Variants in CRPPA observed in about 807,000 individuals in gnomAD.
CRPPA encodes the protein D-ribitol-5-phosphate cytidylyltransferase.
CRPPA carries 43 observed loss-of-function variants against 52.0 expected under a neutral mutation model. That is an observed-to-expected ratio of 0.83 (90% confidence interval 0.65 to 1.07). The LOEUF (loss-of-function observed/expected upper bound fraction) is 1.07. Among genes scored for constraint, CRPPA ranks in the 50% least tolerant of loss-of-function variants. The pLI is 0.00. For synonymous variants in CRPPA, 250 were observed against 203.5 expected (o/e 1.23, Z -1.94); for missense variants, 629 against 551.7 (o/e 1.14, Z -1.40).
intron 3 of CRPPA, among the ~76,000 whole-genome samples, chr7:16,325,571 A>G (rs542449006): frequency 2.0e-5 from 3 of 152,330 alleles, no homozygotes; most frequent in East Asian, 1.9e-4. Context: ...TGATGACTAT[A>G]TAACTTTGAC....
In CRPPA at chr7:16,389,349, A is replaced by C. The variant is rs187933404; in HGVS notation, c.535-13108T>G. On this transcript the variant is annotated intron_variant, in intron 2 of 9. Transcript: ENST00000407010. ...AAACAATGCAAAAACAGATGCAAAA[A>C]TTCTCAACAAGATACCTACAAACCC... 2.9e-3 allele frequency among the ~76,000 whole-genome samples: 441 copies of C among 152,314 alleles called. 4 individuals carry two copies. The highest frequency in any genetic ancestry group is 0.01 in the African/African-American group (417 of 41,560).
rs558598408 is a variant in CRPPA, at chr7:16,301,133, A to C, written c.835+288T>G. ...AGGTGAGACCTTTACAAAATTATTA[A>C]AATCAGGTTTTGCTATTTTCCTTCT... On this transcript the variant is annotated intron_variant, in intron 5 of 9. Coordinates refer to ENST00000407010, the MANE Select transcript of CRPPA (RefSeq NM_001101426.4). 2.1e-4 allele frequency among the ~76,000 whole-genome samples: 32 copies of C among 152,352 alleles called. No homozygotes were observed. In the South Asian group the frequency reaches 4.1e-3, roughly 20 times the overall value.
At chr7:16,370,323 G>C (rs1786716032) in intron 3 of CRPPA, among the ~76,000 whole-genome samples, 1 of 152,218 alleles carries the variant, frequency 6.6e-6, no homozygotes, top group Admixed American at 6.5e-5. Flanking sequence ...GAAAGCCATA[G>C]TTGCTATTTC....
rs144018307 is a variant in CRPPA at position 16,366,008 on chromosome 7, T to C, written c.684+10084A>G. Reference sequence around the variant, plus strand: ...CTAAAACAAAATATCTCAGACTGCATAGTTTATAAAAAGAATTTATTGCTC... The same window carrying C: ...CTAAAACAAAATATCTCAGACTGCACAGTTTATAAAAAGAATTTATTGCTC... On this transcript the variant is annotated intron_variant, in intron 3 of 9. Coordinates refer to ENST00000407010, the MANE Select transcript of CRPPA (RefSeq NM_001101426.4). Among the ~76,000 whole-genome samples, 369 of 152,300 alleles carry C rather than the reference T, an allele frequency of 2.4e-3. 4 individuals carry two copies. Among genetic ancestry groups the C allele is most frequent in the African/African-American group, 8.7e-3 (362 of 41,560 alleles).
intron 1 of CRPPA, among the ~76,000 whole-genome samples, chr7:16,417,600 A>G (rs1396954114): frequency 6.6e-6 from 1 of 152,196 alleles, no homozygotes; most frequent in African/African-American, 2.4e-5. Context: ...ACTCATGGAC[A>G]TAAAGATGTC....
intron 2 of CRPPA, among the ~76,000 whole-genome samples, chr7:16,377,900 A>G (rs1398166491): frequency 2.0e-5 from 3 of 152,092 alleles, no homozygotes; most frequent in African/African-American, 7.2e-5. Flanking sequence ...GTTCCCACCC[A>G]TGCCCCAGAA....
intron 9 of CRPPA, among the ~76,000 whole-genome samples, chr7:16,170,046 A>C (rs936212313): frequency 2.6e-5 from 4 of 152,194 alleles, no homozygotes; most frequent in African/African-American, 9.6e-5. Flanking sequence ...GTTTTAATAC[A>C]TATTAAAGTG....
At chr7:16,420,639 A>C (rs898829095) in intron 1 of CRPPA, among the ~76,000 whole-genome samples, 3 of 152,184 alleles carry the variant, frequency 2.0e-5, no homozygotes, top group African/African-American at 7.2e-5. Context: ...TGAATGAAAA[A>C]AACGAACACA....
chr7:16,304,822 G>C (rs1340802584), intron 4 of CRPPA, among the ~76,000 whole-genome samples: 1 of 152,164 alleles, frequency 6.6e-6, no homozygotes, highest in Non-Finnish European at 1.5e-5. Context: ...AAGGTGTATT[G>C]TTCCATGTTT....
chr7:16,329,025 T>C (rs1007159771), intron 3 of CRPPA, among the ~76,000 whole-genome samples: 2 of 152,136 alleles, frequency 1.3e-5, no homozygotes, highest in African/African-American at 4.8e-5. Context: ...ATACTATAAG[T>C]CCACAATGGC....
rs1212907449 is a variant in CRPPA, at chr7:16,208,568, G to C, written c.1251+7498C>G. 2.6e-5 allele frequency among the ~76,000 whole-genome samples: 4 copies of C among 152,252 alleles called. No individual in the cohort carries two copies. In the South Asian group the frequency reaches 8.3e-4, roughly 32 times the overall value. ...GACACACAGAAGCTGCCCTGCACCA[G>C]GTGAGAGAGCATGGCAGGCGGGGTG... On this transcript the variant is annotated intron_variant, in intron 9 of 9. Coordinates refer to ENST00000407010, the MANE Select transcript of CRPPA (RefSeq NM_001101426.4).
intron 9 of CRPPA, among the ~76,000 whole-genome samples, chr7:16,190,440 A>G (rs1160917847): frequency 2.0e-5 from 3 of 152,208 alleles, no homozygotes; most frequent in Non-Finnish European, 4.4e-5. Context: ...AAGAGTAACT[A>G]TAACGTAACA....
intron 9 of CRPPA, among the ~76,000 whole-genome samples, chr7:16,097,646 T>G (rs1242297943): frequency 6.6e-6 from 1 of 152,194 alleles, no homozygotes; most frequent in Non-Finnish European, 1.5e-5. Context: ...GTTGTTGACT[T>G]GGTTCTTTTG....
At chr7:16,316,238 T>A (rs1785141491) in intron 3 of CRPPA, among the ~76,000 whole-genome samples, 1 of 152,092 alleles carries the variant, frequency 6.6e-6, no homozygotes, top group Non-Finnish European at 1.5e-5. Flanking sequence ...TAGGAGGGGT[T>A]AAGAATGAAC....
At chr7:16,353,510 C>T (rs141115690) in intron 3 of CRPPA, among the ~76,000 whole-genome samples, 8 of 152,182 alleles carry the variant, frequency 5.3e-5, no homozygotes, top group East Asian at 1.9e-4. Context: ...AGCATGATGA[C>T]GATGGTTAAT....
intron 9 of CRPPA, among the ~76,000 whole-genome samples, chr7:16,136,146 G>A (rs533286528): frequency 6.6e-6 from 1 of 152,118 alleles, no homozygotes; most frequent in Admixed American, 6.5e-5. Flanking sequence ...TGGAAGAGTA[G>A]ATGAAATGCA....
At chr7:16,387,909 G>A (rs1467676347) in intron 2 of CRPPA, among the ~76,000 whole-genome samples, 1 of 152,114 alleles carries the variant, frequency 6.6e-6, no homozygotes. Context: ...GTTATAAGAG[G>A]ATCAAAATCA....
Position 16,141,512 on chromosome 7 carries a change from T to C in CRPPA, c.1252-49713A>G, listed in dbSNP as rs143842571. On this transcript the variant is annotated intron_variant, in intron 9 of 9. Transcript: ENST00000407010. Reference sequence around the variant, plus strand: ...TCTGAAATATTAAACACAAGATAATTTATGTGAGCTAATATGACTATTAAA... The same window carrying C: ...TCTGAAATATTAAACACAAGATAATCTATGTGAGCTAATATGACTATTAAA... Among the ~76,000 whole-genome samples the C allele has an allele frequency of 7.1e-3, 1,086 of 152,272 alleles. 14 individuals carry two copies. Among genetic ancestry groups the C allele is most frequent in the African/African-American group, 0.025 (1,022 of 41,550 alleles).
At position 16,105,431 on chromosome 7, in the gene CRPPA, G is replaced by A. The variant is rs966294589; in HGVS notation, c.1252-13632C>T. ...GAGTTGATGGCAGGGGTGTGAAATA[G>A]AGACAGTCATACCCATCCCTACCAT... On this transcript the variant is annotated intron_variant, in intron 9 of 9. Transcript: ENST00000407010. Among the ~76,000 whole-genome samples the A allele has an allele frequency of 2.0e-5, 3 of 152,206 alleles. No homozygotes were observed. The South Asian group carries it at 6.2e-4, about 32-fold the overall frequency.
Sources: gnomAD v4.1 joint callset for allele counts (sites outside exome capture counted in the v4.1 genomes callset) on GRCh38, gnomAD v4.1.1 for gene constraint, MANE v1.5 for transcripts, NCBI Gene and HGNC (gene_info 2026-07-23, HGNC 2026-07-21) for gene names.